The following CDH20 variants were observed in gnomAD, a reference collection of about 807,000 sequenced individuals.
CDH20 encodes the protein cadherin-20.
CDH20 carries 29 observed loss-of-function variants against 74.2 expected under a neutral mutation model. That is an observed-to-expected ratio of 0.39 (90% CI 0.29 to 0.53). The LOEUF (loss-of-function observed/expected upper bound fraction) is 0.53. CDH20 is among the 20% of genes least tolerant of loss of function. CDH20 has a pLI of 0.69. For synonymous variants in CDH20, 469 were observed against 405.4 expected, an observed-to-expected ratio of 1.16 and a Z score of -1.88; for missense variants, 988 against 1,048.3, an observed-to-expected ratio of 0.94 and a Z score of 0.79.
chr18:61,549,770 C>A, intron 10 of CDH20: 1 of 577,484 alleles, frequency 1.7e-6, no homozygotes, highest in Non-Finnish European at 3.1e-6. Flanking sequence ...TCTTCTTAGG[C>A]CTCAGGGTTT....
intron 1 of CDH20, among the ~76,000 whole-genome samples, chr18:61,349,580 A>G (rs989511248): frequency 6.6e-6 from 1 of 152,222 alleles, no homozygotes. Flanking sequence ...CCTACACAGC[A>G]CAGTGACAAT....
At chr18:61,466,253 G>A (rs79269768) in intron 1 of CDH20, among the ~76,000 whole-genome samples, 1,835 of 151,976 alleles carry the variant, frequency 0.012, 37 homozygotes, top group African/African-American at 0.041. Context: ...TCTATTCACC[G>A]TTTTACAAAC....
chr18:61,345,946 A>G (rs920082631), intron 1 of CDH20, among the ~76,000 whole-genome samples: 1 of 152,208 alleles, frequency 6.6e-6, no homozygotes, highest in Non-Finnish European at 1.5e-5. Flanking sequence ...GACGGATCCT[A>G]TGAGCACTGA....
chr18:61,392,342 C>T (rs1036493362), intron 1 of CDH20, among the ~76,000 whole-genome samples: 3 of 152,258 alleles, frequency 2.0e-5, no homozygotes, highest in Non-Finnish European at 2.9e-5. Flanking sequence ...TCCCTGTTTA[C>T]CCACTCTAAA....
At chr18:61,501,963 A>C (rs1911399354) in intron 4 of CDH20, among the ~76,000 whole-genome samples, 1 of 152,204 alleles carries the variant, frequency 6.6e-6, no homozygotes, top group African/African-American at 2.4e-5. Context: ...GGCCTTTTAA[A>C]AAAGAAAATG....
chr18:61,440,344 A>C (rs1908987379), intron 1 of CDH20, among the ~76,000 whole-genome samples: 2 of 152,202 alleles, frequency 1.3e-5, no homozygotes, highest in Non-Finnish European at 1.5e-5. Context: ...CCACAGCCTG[A>C]AGTAGAGGTA....
chr18:61,439,807 C>T (rs1908967313), intron 1 of CDH20, among the ~76,000 whole-genome samples: 1 of 152,214 alleles, frequency 6.6e-6, no homozygotes, highest in South Asian at 2.1e-4. Flanking sequence ...ACATAACCCC[C>T]ATATGTGGAG....
At chr18:61,520,075 G>A (rs919326025) in intron 6 of CDH20, among the ~76,000 whole-genome samples, 5 of 150,862 alleles carry the variant, frequency 3.3e-5, no homozygotes, top group African/African-American at 1.2e-4. Flanking sequence ...CCAGCACTTT[G>A]GGAGGCCAAG....
In CDH20 at chr18:61,521,087, A is replaced by G. The variant is rs189591991; in HGVS notation, c.1018-6880A>G. Among the ~76,000 whole-genome samples, 630 of 151,402 alleles carry G rather than the reference A, an allele frequency of 4.2e-3. 14 individuals carry two copies. The highest frequency in any genetic ancestry group is 7.5e-3 in the Admixed American group (114 of 15,264). ...GTAACTAAGATCAGAGCAGAACTGAAGGAGATAGAGACACAAAAAAACCTT... is the reference window on the plus strand; with the variant it reads ...GTAACTAAGATCAGAGCAGAACTGAGGGAGATAGAGACACAAAAAAACCTT... On this transcript the variant is annotated intron_variant, in intron 6 of 11. Coordinates refer to ENST00000262717, the MANE Select transcript of CDH20 (RefSeq NM_031891.4).
intron 1 of CDH20, among the ~76,000 whole-genome samples, chr18:61,402,899 C>T (rs1912203817): frequency 1.3e-5 from 2 of 152,180 alleles, no homozygotes; most frequent in South Asian, 4.1e-4. Context: ...TCAGCTGAAT[C>T]TAATTAGAAC....
chr18:61,473,668 T>G (rs1236628044), intron 1 of CDH20, among the ~76,000 whole-genome samples: 1 of 152,218 alleles, frequency 6.6e-6, no homozygotes, highest in Non-Finnish European at 1.5e-5. Context: ...CTTTGTGGCT[T>G]CATTACATGG....
intron 4 of CDH20, among the ~76,000 whole-genome samples, chr18:61,501,746 C>T (rs542761920): frequency 3.4e-4 from 52 of 152,214 alleles, no homozygotes; most frequent in African/African-American, 1.2e-3. Context: ...TTCTATAAAA[C>T]AGTAACTTTA....
At chr18:61,407,200 C>T (rs1002887943) in intron 1 of CDH20, among the ~76,000 whole-genome samples, 14 of 152,142 alleles carry the variant, frequency 9.2e-5, no homozygotes, top group South Asian at 4.1e-4. Context: ...CAACTTGGAG[C>T]GAGGCACCTG....
chr18:61,343,736 A>C (rs1910027547), intron 1 of CDH20, among the ~76,000 whole-genome samples: 2 of 152,234 alleles, frequency 1.3e-5, no homozygotes, highest in African/African-American at 4.8e-5. Context: ...GGAGCACAAT[A>C]ATCCTCTTCA....
rs117931827 is a variant in CDH20, at chr18:61,406,771, A to G, written c.-153+72944A>G. Among the ~76,000 whole-genome samples, 3 of 152,346 alleles carry G rather than the reference A, an allele frequency of 2.0e-5. No individual in the cohort carries two copies. The East Asian group carries it at 5.8e-4, about 29-fold the overall frequency. ...TCAGGCAGAGGATTATACAGCAAGC[A>G]ACAGTTTTGCACTTTATGAAACATG... On this transcript the variant is annotated intron_variant, in intron 1 of 11. Transcript: ENST00000262717.
At chr18:61,548,109 C>G (rs1913315317) in intron 10 of CDH20, among the ~76,000 whole-genome samples, 1 of 152,160 alleles carries the variant, frequency 6.6e-6, no homozygotes. Context: ...GCTATTAAGT[C>G]TGGAACACAG....
At chr18:61,466,055 G>T (rs1301437581) in intron 1 of CDH20, among the ~76,000 whole-genome samples, 1 of 148,130 alleles carries the variant, frequency 6.8e-6, no homozygotes, top group East Asian at 1.9e-4. Flanking sequence ...GCAAGACCTT[G>T]TCACTTAAAT....
chr18:61,390,609 C>G (rs1911748488), intron 1 of CDH20, among the ~76,000 whole-genome samples: 1 of 152,126 alleles, frequency 6.6e-6, no homozygotes, highest in Non-Finnish European at 1.5e-5. Context: ...GTAATTAAAA[C>G]AGCGTGAATC....
chr18:61,383,159 A>G (rs1568118942), intron 1 of CDH20, among the ~76,000 whole-genome samples: 1 of 152,222 alleles, frequency 6.6e-6, no homozygotes, highest in Non-Finnish European at 1.5e-5. Context: ...ACTTACTTAT[A>G]TTATTATAGC....
Sources: allele counts gnomAD v4.1 joint callset (sites outside exome capture counted in the v4.1 genomes callset), GRCh38; gene constraint gnomAD v4.1.1; transcripts MANE v1.5; gene names NCBI Gene and HGNC (gene_info 2026-07-23, HGNC 2026-07-21).